The following MACROD2 variants were observed in gnomAD, a reference collection of about 807,000 sequenced individuals.
The protein encoded by MACROD2 is ADP-ribose glycohydrolase MACROD2.
In MACROD2, 36 loss-of-function variants were observed where a neutral mutation model predicts 70.4. The observed-to-expected ratio is 0.51, with a 90% CI of 0.39 to 0.68. The LOEUF (loss-of-function observed/expected upper bound fraction) is 0.68, where lower values mean the gene tolerates loss of function less well. Ranked by LOEUF, MACROD2 falls within the 30% of genes least tolerant of loss-of-function variation. The pLI, the probability that MACROD2 is intolerant of heterozygous loss-of-function variation, is 0.00. For synonymous variants in MACROD2, 172 were observed against 178.8 expected (o/e 0.96, Z 0.30); for missense variants, 496 against 538.4 (o/e 0.92, Z 0.78).
At chr20:15,269,343 C>T (rs1330919699) in intron 6 of MACROD2, among the ~76,000 whole-genome samples, 2 of 152,206 alleles carry the variant, frequency 1.3e-5, no homozygotes, top group Admixed American at 1.3e-4. Flanking sequence ...AGTACTTGAC[C>T]TTGTATCATC....
chr20:14,847,025 A>G (rs915927824), intron 5 of MACROD2, among the ~76,000 whole-genome samples: 1 of 152,140 alleles, frequency 6.6e-6, no homozygotes, highest in Non-Finnish European at 1.5e-5. Flanking sequence ...GATGCTTTAG[A>G]CAATATCTAT....
At chr20:15,869,265 A>AGAGAGAGAGAGAGAGAGAGAGAGC in intron 9 of MACROD2, among the ~76,000 whole-genome samples, 1 of 141,900 alleles carries the variant, frequency 7.0e-6, no homozygotes, top group African/African-American at 2.5e-5. Context: ...AGAGAGAGAG[A>AGAGAGAGAGAGAGAGAGAGAGAGC]GAGCAATGCT....
intron 5 of MACROD2, among the ~76,000 whole-genome samples, chr20:15,100,219 A>T (rs1256699162): frequency 1.3e-5 from 2 of 152,030 alleles, no homozygotes; most frequent in African/African-American, 4.8e-5. Context: ...TCTGTAGCAG[A>T]CTATAGATAG....
chr20:14,640,699 C>T lies in MACROD2; in HGVS notation c.302-44144C>T, dbSNP rs115354407. On this transcript the variant is annotated intron_variant, in intron 4 of 17. Transcript: ENST00000684519. ...TTATGCAATTTTTTTGGTTTCCCAG[C>T]GCATATGGAATTTATGTTTATATTC... Among the ~76,000 whole-genome samples, 1,407 of 152,124 alleles carry T rather than the reference C, an allele frequency of 9.2e-3. 26 individuals carry two copies. Among genetic ancestry groups the T allele is most frequent in the African/African-American group, 0.032 (1,333 of 41,488 alleles).
At chr20:15,086,091 C>T (rs2075746825) in intron 5 of MACROD2, among the ~76,000 whole-genome samples, 1 of 152,038 alleles carries the variant, frequency 6.6e-6, no homozygotes, top group Non-Finnish European at 1.5e-5. Flanking sequence ...ATACACGTCC[C>T]ACATCTTGTT....
At chr20:15,144,328 C>T (rs985102533) in intron 5 of MACROD2, among the ~76,000 whole-genome samples, 5 of 152,096 alleles carry the variant, frequency 3.3e-5, no homozygotes, top group Admixed American at 6.6e-5. Flanking sequence ...ATAATTTGTT[C>T]ATGTCAGGAT....
At chr20:15,009,764 ACCTC>A (rs1473654249) in intron 5 of MACROD2, among the ~76,000 whole-genome samples, 1 of 139,220 alleles carries the variant, frequency 7.2e-6, no homozygotes, top group East Asian at 2.1e-4. Flanking sequence ...GTCTCTCCCC[ACCTC>A]CCTATTTTTT....
intron 6 of MACROD2, among the ~76,000 whole-genome samples, chr20:15,430,875 G>C (rs1488493629): frequency 6.6e-6 from 1 of 151,966 alleles, no homozygotes; most frequent in Non-Finnish European, 1.5e-5. Flanking sequence ...TCAATAGCCA[G>C]TCTGTGGTTT....
At chr20:15,228,259 A>G (rs547870889) in intron 5 of MACROD2, among the ~76,000 whole-genome samples, 1 of 152,224 alleles carries the variant, frequency 6.6e-6, no homozygotes, top group Non-Finnish European at 1.5e-5. Flanking sequence ...TCACTTTAAA[A>G]GTAAGTTTAC....
At chr20:14,268,592 T>C (rs1294380641) in intron 3 of MACROD2, among the ~76,000 whole-genome samples, 3 of 152,184 alleles carry the variant, frequency 2.0e-5, no homozygotes, top group African/African-American at 4.8e-5. Context: ...GGTTATGCTC[T>C]ATAAACTGAT....
intron 5 of MACROD2, among the ~76,000 whole-genome samples, chr20:15,160,597 A>T (rs1215728835): frequency 5.3e-5 from 8 of 152,070 alleles, no homozygotes; most frequent in Admixed American, 5.2e-4. Context: ...CAGGAGAAAA[A>T]TAGACACGAT....
At chr20:15,418,849 C>T (rs774400211) in intron 6 of MACROD2, among the ~76,000 whole-genome samples, 2 of 152,148 alleles carry the variant, frequency 1.3e-5, no homozygotes, top group African/African-American at 2.4e-5. Context: ...GCCTTTCTTC[C>T]TTCTTGTGGC....
At chr20:14,381,489 C>T (rs969592828) in intron 3 of MACROD2, among the ~76,000 whole-genome samples, 4 of 151,992 alleles carry the variant, frequency 2.6e-5, no homozygotes, top group African/African-American at 9.7e-5. Context: ...TTGTTATGAT[C>T]TTTGTTTCAG....
At chr20:14,688,944 T>G (rs980980950) in intron 5 of MACROD2, among the ~76,000 whole-genome samples, 1 of 152,248 alleles carries the variant, frequency 6.6e-6, no homozygotes, top group African/African-American at 2.4e-5. Flanking sequence ...ATACTTTTCC[T>G]TCCGCAATTA....
intron 3 of MACROD2, among the ~76,000 whole-genome samples, chr20:14,346,912 A>G (rs1273491322): frequency 1.3e-5 from 2 of 152,200 alleles, no homozygotes; most frequent in African/African-American, 4.8e-5. Flanking sequence ...CTTTATAACT[A>G]ACTTTCCCAA....
At chr20:15,016,631 T>A (rs1236152781) in intron 5 of MACROD2, among the ~76,000 whole-genome samples, 1 of 152,144 alleles carries the variant, frequency 6.6e-6, no homozygotes, top group South Asian at 2.1e-4. Context: ...TCTCTTGCCA[T>A]GTGTATTAGT....
intron 12 of MACROD2, among the ~76,000 whole-genome samples, chr20:15,961,868 G>A (rs2066066543): frequency 6.6e-6 from 1 of 152,176 alleles, no homozygotes; most frequent in Non-Finnish European, 1.5e-5. Context: ...GTGAGGCTTA[G>A]TAAGAGAGAG....
At position 13,995,663 on chromosome 20, in the gene MACROD2, C is replaced by A; in HGVS notation, c.-101C>A. ...GACGCAGAGCCTCTTTCACTTTTTC[C>A]CTGCTGAGTGCCCCCTCCCACCCCT... On this transcript the variant is annotated 5_prime_UTR_variant, in exon 1 of 18. Transcript: ENST00000684519. This position sits in a 1 kb window ranked among gnomAD's most constrained non-coding sequence, Gnocchi z 4.3. 1 of 1,002,740 alleles carries A rather than the reference C, an allele frequency of 1.0e-6. No individual in the cohort carries two copies. The highest frequency in any genetic ancestry group is 2.4e-5 in the East Asian group (1 of 41,404). The allele number at this position is 1,002,740 out of a possible 1,614,324, so 62.1% of individuals were successfully genotyped here. A position where few individuals can be genotyped will look rare whatever the true frequency, so the allele number is the denominator to read the frequency against.
intron 10 of MACROD2, among the ~76,000 whole-genome samples, chr20:15,931,670 T>A (rs1426562729): frequency 6.6e-6 from 1 of 152,050 alleles, no homozygotes; most frequent in Non-Finnish European, 1.5e-5. Flanking sequence ...GTAGTTATAT[T>A]GTGTCCACCG....
Sources: allele counts gnomAD v4.1 joint callset (sites outside exome capture counted in the v4.1 genomes callset), GRCh38; gene constraint gnomAD v4.1.1; non-coding constraint Gnocchi (gnomAD v3.1); transcripts MANE v1.5; gene names NCBI Gene and HGNC (gene_info 2026-07-23, HGNC 2026-07-21).